ADGRL2: variants seen among roughly 807,000 people sequenced by gnomAD.
ADGRL2 encodes calcium-independent alpha-latrotoxin receptor 2.
Under a neutral mutation model 157.4 loss-of-function variants are expected in ADGRL2, and 44 were observed. That is an observed-to-expected ratio of 0.28 (90% CI 0.22 to 0.36). The LOEUF is 0.36. ADGRL2 is among the 10% of genes least tolerant of loss of function. ADGRL2 has a pLI of 1.00. For synonymous variants in ADGRL2, 585 were observed against 624.7 expected, an observed-to-expected ratio of 0.94 and a Z score of 0.95; for missense variants, 1,510 against 1,768.9, an observed-to-expected ratio of 0.85 and a Z score of 2.63.
chr1:81,347,623 G>C (rs1662575539), intron 1 of ADGRL2, among the ~76,000 whole-genome samples: 1 of 152,126 alleles, frequency 6.6e-6, no homozygotes, highest in South Asian at 2.1e-4. Context: ...ATAATAAAAA[G>C]TGAAGAAGGA....
intron 4 of ADGRL2, among the ~76,000 whole-genome samples, chr1:81,938,618 C>T (rs2095343753): frequency 6.6e-6 from 1 of 151,332 alleles, no homozygotes; most frequent in South Asian, 2.1e-4. Flanking sequence ...TTTGCTGTTA[C>T]CTTTCTAGAC....
At chr1:81,607,477 A>G (rs2081458044) in intron 3 of ADGRL2, among the ~76,000 whole-genome samples, 1 of 152,194 alleles carries the variant, frequency 6.6e-6, no homozygotes, top group Non-Finnish European at 1.5e-5. Context: ...TGATTCAGGA[A>G]AGGCTTGTCA....
chr1:81,445,443 G>A (rs532734554), intron 2 of ADGRL2, among the ~76,000 whole-genome samples: 1 of 87,282 alleles, frequency 1.1e-5, no homozygotes, highest in African/African-American at 3.2e-5. Context: ...ATCAGTTAAA[G>A]TTGCTATTTT....
At chr1:81,728,978 A>T (rs2084632829) in intron 1 of ADGRL2, among the ~76,000 whole-genome samples, 1 of 152,154 alleles carries the variant, frequency 6.6e-6, no homozygotes, top group Admixed American at 6.6e-5. Flanking sequence ...TGCCCTATTG[A>T]TATGGGAGTA....
At chr1:81,363,971 C>A (rs4551634) in intron 1 of ADGRL2, among the ~76,000 whole-genome samples, 77,923 of 151,984 alleles carry the variant, frequency 0.51, 22,028 homozygotes, top group East Asian at 0.72. Context: ...AAGTGAACCA[C>A]ACTGCAAATG....
rs543424610 is a variant in ADGRL2, at chr1:81,747,494, G to T, written c.-142-14317G>T. Among the ~76,000 whole-genome samples the T allele has an allele frequency of 2.0e-5, 3 of 151,850 alleles. No individual in the cohort carries two copies. The East Asian group carries it at 5.8e-4, about 29-fold the overall frequency. On this transcript the variant is annotated intron_variant, in intron 1 of 20. Transcript: ENST00000359929. Reference sequence around the variant, plus strand: ...TGTTTGTATTTTTAGTAGAGACGGGGTTTCATCATGTTCCCCAGGCTGGTC... The same window carrying T: ...TGTTTGTATTTTTAGTAGAGACGGGTTTTCATCATGTTCCCCAGGCTGGTC...
chr1:81,569,203 A>T (rs2080630195), intron 2 of ADGRL2, among the ~76,000 whole-genome samples: 1 of 152,126 alleles, frequency 6.6e-6, no homozygotes, highest in South Asian at 2.1e-4. Context: ...AAGTCTCTTC[A>T]TCCATTATCT....
At chr1:81,468,625 A>T (rs546722814) in intron 2 of ADGRL2, among the ~76,000 whole-genome samples, 48 of 152,172 alleles carry the variant, frequency 3.2e-4, no homozygotes, top group Non-Finnish European at 6.0e-4. Context: ...TAACCTCGTA[A>T]GTTGTTAATG....
chr1:81,942,501 T>G (rs551596596), intron 5 of ADGRL2, among the ~76,000 whole-genome samples: 1 of 151,934 alleles, frequency 6.6e-6, no homozygotes, highest in Non-Finnish European at 1.5e-5. Context: ...GTCTAACTTA[T>G]GTAAAAGTTC....
intron 3 of ADGRL2, among the ~76,000 whole-genome samples, chr1:81,641,827 C>G (rs2148805254): frequency 6.6e-6 from 1 of 151,972 alleles, no homozygotes; most frequent in South Asian, 2.1e-4. Context: ...AAATAATAAG[C>G]ATTAGAGCAG....
intron 1 of ADGRL2, among the ~76,000 whole-genome samples, chr1:81,318,231 GTAAA>G (rs983726467): frequency 1.3e-5 from 2 of 152,100 alleles, no homozygotes; most frequent in African/African-American, 2.4e-5. Context: ...AGCTGAATAA[GTAAA>G]TAGTTTAGTT....
chr1:81,567,109 G>A (rs1233331621), intron 2 of ADGRL2, among the ~76,000 whole-genome samples: 1 of 152,066 alleles, frequency 6.6e-6, no homozygotes, highest in East Asian at 1.9e-4. Flanking sequence ...TATTAACAAT[G>A]TGGGGATCAG....
At chr1:81,518,986 T>C (rs1042189642) in intron 2 of ADGRL2, among the ~76,000 whole-genome samples, 1 of 152,176 alleles carries the variant, frequency 6.6e-6, no homozygotes, top group Non-Finnish European at 1.5e-5. Context: ...TATAGCTTTT[T>C]ACGATTTCCA....
intron 3 of ADGRL2, among the ~76,000 whole-genome samples, chr1:81,602,897 CA>C (rs35152437): frequency 0.58 from 69,132 of 120,148 alleles, 17,978 homozygotes; most frequent in East Asian, 0.68. Flanking sequence ...GACTCTGTCT[CA>C]AAAAAAAAAA....
intron 2 of ADGRL2, among the ~76,000 whole-genome samples, chr1:81,578,867 T>C (rs2080849452): frequency 6.6e-6 from 1 of 152,186 alleles, no homozygotes; most frequent in South Asian, 2.1e-4. Flanking sequence ...AATTTGGTTT[T>C]TTTAAAAAAT....
chr1:81,982,630 G>A (rs947849704), intron 19 of ADGRL2, among the ~76,000 whole-genome samples: 8 of 151,774 alleles, frequency 5.3e-5, no homozygotes, highest in Non-Finnish European at 7.4e-5. Context: ...TAATGTAGTC[G>A]TTTTATTCTG....
intron 3 of ADGRL2, among the ~76,000 whole-genome samples, chr1:81,602,563 T>G (rs1455675376): frequency 2.7e-5 from 4 of 147,438 alleles, no homozygotes; most frequent in South Asian, 4.4e-4. Flanking sequence ...CTGCACTCCA[T>G]CCTGGGCAAC....
At chr1:81,778,568 A>G (rs1296247010) in intron 2 of ADGRL2, among the ~76,000 whole-genome samples, 1 of 152,174 alleles carries the variant, frequency 6.6e-6, no homozygotes, top group African/African-American at 2.4e-5. Flanking sequence ...CGTCTTTTAT[A>G]ATAAATATTA....
chr1:81,496,542 A>G (rs1371475584), intron 2 of ADGRL2, among the ~76,000 whole-genome samples: 2 of 152,038 alleles, frequency 1.3e-5, no homozygotes, highest in Non-Finnish European at 2.9e-5. Flanking sequence ...CTCCTAACAC[A>G]TTGCCTGTGT....
Sources: gnomAD v4.1 joint callset for allele counts (sites outside exome capture counted in the v4.1 genomes callset) on GRCh38, gnomAD v4.1.1 for gene constraint, MANE v1.5 for transcripts, NCBI Gene and HGNC (gene_info 2026-07-23, HGNC 2026-07-21) for gene names.